OTUD7A: variants seen among roughly 807,000 people sequenced by gnomAD.
OTUD7A encodes OTU domain-containing protein 7A.
Under a neutral mutation model 65.7 loss-of-function variants are expected in OTUD7A, and 12 were observed. The observed-to-expected ratio is 0.18, with a 90% CI of 0.12 to 0.30. The LOEUF (loss-of-function observed/expected upper bound fraction) is 0.30. OTUD7A is among the 10% of genes least tolerant of loss of function. OTUD7A has a pLI of 1.00. For synonymous variants in OTUD7A, 641 were observed against 586.3 expected, an observed-to-expected ratio of 1.09 and a Z score of -1.35; for missense variants, 1,148 against 1,304.8, an observed-to-expected ratio of 0.88 and a Z score of 1.85.
intron 1 of OTUD7A, among the ~76,000 whole-genome samples, chr15:31,848,511 C>G (rs2141002099): frequency 6.6e-6 from 1 of 152,320 alleles, no homozygotes; most frequent in East Asian, 1.9e-4. Context: ...AGTCAGAAGT[C>G]CACAAATAGG....
At chr15:31,501,223 G>C (rs2041460633) in intron 10 of OTUD7A, among the ~76,000 whole-genome samples, 1 of 152,206 alleles carries the variant, frequency 6.6e-6, no homozygotes, top group Non-Finnish European at 1.5e-5. Flanking sequence ...GGTGTCTGTG[G>C]CTGCTCCTCT....
chr15:31,680,525 G>T (rs1354594030), intron 1 of OTUD7A, among the ~76,000 whole-genome samples: 1 of 152,188 alleles, frequency 6.6e-6, no homozygotes, highest in Non-Finnish European at 1.5e-5. Flanking sequence ...AAGGTCTCAT[G>T]GGTAGAAAAC....
At chr15:31,702,773 T>C (rs1893242641) in intron 1 of OTUD7A, among the ~76,000 whole-genome samples, 1 of 151,048 alleles carries the variant, frequency 6.6e-6, no homozygotes, top group South Asian at 2.1e-4. Flanking sequence ...TATGGAGAGG[T>C]AGAAGAATTA....
chr15:31,830,348 C>T (rs1318566815), intron 1 of OTUD7A, among the ~76,000 whole-genome samples: 1 of 152,146 alleles, frequency 6.6e-6, no homozygotes, highest in Non-Finnish European at 1.5e-5. Context: ...ATCTGCAATA[C>T]CAATGGAGAG....
At chr15:31,839,713 C>T (rs1897139358) in intron 1 of OTUD7A, among the ~76,000 whole-genome samples, 3 of 152,002 alleles carry the variant, frequency 2.0e-5, no homozygotes, top group African/African-American at 2.4e-5. Context: ...TGAGGGGATT[C>T]AGACAAGCTC....
At chr15:31,718,370 C>T (rs1218527971) in intron 1 of OTUD7A, among the ~76,000 whole-genome samples, 2 of 152,186 alleles carry the variant, frequency 1.3e-5, no homozygotes, top group South Asian at 2.1e-4. Flanking sequence ...CTTTCTCCTA[C>T]ATTTATTAGC....
chr15:31,627,493 T>C (rs545334548), intron 3 of OTUD7A, among the ~76,000 whole-genome samples: 3 of 152,246 alleles, frequency 2.0e-5, no homozygotes, highest in Non-Finnish European at 2.9e-5. Context: ...TCTATGGTTG[T>C]TGGACATTTG....
intron 1 of OTUD7A, among the ~76,000 whole-genome samples, chr15:31,700,565 TTCTCTGTATCTCTC>T (rs1454970131): frequency 1.3e-5 from 2 of 152,252 alleles, no homozygotes; most frequent in African/African-American, 2.4e-5. Flanking sequence ...CTCTATCTCT[TTCTCTGTATCTCTC>T]ACTCCTCACC....
At chr15:31,740,196 G>A (rs888011014) in intron 1 of OTUD7A, among the ~76,000 whole-genome samples, 3 of 152,150 alleles carry the variant, frequency 2.0e-5, no homozygotes, top group African/African-American at 7.2e-5. Context: ...TGAGTGCCTG[G>A]CAGGGCAACA....
intron 1 of OTUD7A, among the ~76,000 whole-genome samples, chr15:31,861,579 C>T (rs940513945): frequency 1.3e-5 from 2 of 152,194 alleles, no homozygotes; most frequent in African/African-American, 4.8e-5. Context: ...CATGCCGTGT[C>T]TGAGAACCCA....
At chr15:31,772,470 G>A (rs1482439623) in intron 1 of OTUD7A, among the ~76,000 whole-genome samples, 1 of 152,166 alleles carries the variant, frequency 6.6e-6, no homozygotes, top group Non-Finnish European at 1.5e-5. Context: ...GGCATACACA[G>A]ACACTAAATC....
rs538737543 is a variant in OTUD7A, at chr15:31,505,210, T to C, written c.894-1392A>G. Reference sequence around the variant, plus strand: ...TACATTTTGTATTTGTTTTGATTGGTTAGTAACTTTGAATTTTTTAAAAGA... The same window carrying C: ...TACATTTTGTATTTGTTTTGATTGGCTAGTAACTTTGAATTTTTTAAAAGA... On this transcript the variant is annotated intron_variant, in intron 8 of 12. Transcript: ENST00000307050. 6.6e-5 allele frequency among the ~76,000 whole-genome samples: 10 copies of C among 152,308 alleles called. No homozygotes were observed. The South Asian group carries it at 2.1e-3, about 32-fold the overall frequency.
intron 1 of OTUD7A, among the ~76,000 whole-genome samples, chr15:31,741,955 T>G (rs1347834321): frequency 6.6e-6 from 1 of 152,066 alleles, no homozygotes; most frequent in African/African-American, 2.4e-5. Context: ...GCAAATAAAT[T>G]GGCAAATATG....
chr15:31,491,269 A>G (rs2041314554), intron 10 of OTUD7A, among the ~76,000 whole-genome samples: 1 of 152,264 alleles, frequency 6.6e-6, no homozygotes, highest in Admixed American at 6.5e-5. Flanking sequence ...GAAAAGCCAG[A>G]TACCATGCAA....
intron 1 of OTUD7A, among the ~76,000 whole-genome samples, chr15:31,837,506 AC>A (rs1406660209): frequency 6.6e-6 from 1 of 152,150 alleles, no homozygotes; most frequent in Non-Finnish European, 1.5e-5. Flanking sequence ...AGATTGTGCC[AC>A]TGCACTCCAG....
intron 1 of OTUD7A, among the ~76,000 whole-genome samples, chr15:31,865,285 C>T (rs781270335): frequency 2.6e-5 from 4 of 152,196 alleles, no homozygotes; most frequent in Admixed American, 6.5e-5. Context: ...ACTACAATAA[C>T]ACACGTTGTC....
chr15:31,505,998 A>C (rs1458825715), intron 8 of OTUD7A, among the ~76,000 whole-genome samples: 3 of 152,044 alleles, frequency 2.0e-5, no homozygotes, highest in Non-Finnish European at 4.4e-5. Flanking sequence ...TCGGCCTCCC[A>C]AAGTGCTGGG....
intron 1 of OTUD7A, among the ~76,000 whole-genome samples, chr15:31,713,805 G>C (rs1311611136): frequency 6.6e-6 from 1 of 151,812 alleles, no homozygotes; most frequent in Non-Finnish European, 1.5e-5. Context: ...GAAATAAACA[G>C]TCAATTCAAT....
At chr15:31,753,686 G>GTATATATATATT (rs1894706035) in intron 1 of OTUD7A, among the ~76,000 whole-genome samples, 1 of 52,820 alleles carries the variant, frequency 1.9e-5, no homozygotes. Flanking sequence ...TAACCTGTGA[G>GTATATATATATT]ATATATATAT....
Sources: gnomAD v4.1 joint callset for allele counts (sites outside exome capture counted in the v4.1 genomes callset) on GRCh38, gnomAD v4.1.1 for gene constraint, MANE v1.5 for transcripts, NCBI Gene and HGNC (gene_info 2026-07-23, HGNC 2026-07-21) for gene names.